GLG1: variants seen among roughly 807,000 people sequenced by gnomAD.
The protein encoded by GLG1 is golgi glycoprotein 1.
Under a neutral mutation model 160.5 loss-of-function variants are expected in GLG1, and 38 were observed. That is an observed-to-expected ratio of 0.24 (90% CI 0.18 to 0.31). The LOEUF (loss-of-function observed/expected upper bound fraction) is 0.31. GLG1 is among the 10% of genes least tolerant of loss of function. The pLI is 1.00. For missense variants in GLG1, 1,373 were observed against 1,505.2 expected (o/e 0.91, Z 1.45); for synonymous variants, 644 against 543.4 (o/e 1.19, Z -2.57).
chr16:74,457,295 G>A (rs190210459), intron 24 of GLG1, among the ~76,000 whole-genome samples: 4 of 152,290 alleles, frequency 2.6e-5, no homozygotes, highest in Admixed American at 2.0e-4. Flanking sequence ...TACTCAGGAG[G>A]TTAAGGTGGG....
intron 19 of GLG1, among the ~76,000 whole-genome samples, chr16:74,464,844 T>A (rs184441169): frequency 0.19 from 27,824 of 143,510 alleles, 2,691 homozygotes; most frequent in Middle Eastern, 0.25. Flanking sequence ...TTAAAAAAAA[T>A]TTTTTTTTTC....
intron 1 of GLG1, among the ~76,000 whole-genome samples, chr16:74,572,528 A>AC (rs2018860773): frequency 9.1e-6 from 1 of 110,316 alleles, no homozygotes; most frequent in East Asian, 2.1e-4. Flanking sequence ...AAAAACAAAC[A>AC]AAAAAAAAAA....
At chr16:74,526,350 C>T (rs1422253344) in intron 2 of GLG1, among the ~76,000 whole-genome samples, 1 of 145,902 alleles carries the variant, frequency 6.9e-6, no homozygotes, top group Non-Finnish European at 1.5e-5. Context: ...TAATTCTTTT[C>T]CTTAGAACTT....
chr16:74,465,593 G>C (rs1248902634), intron 19 of GLG1, 83 bp downstream of exon 19: 19 of 1,400,148 alleles, frequency 1.4e-5, no homozygotes, highest in East Asian at 2.3e-5. Flanking sequence ...TGAGAAAGCT[G>C]AGCCTGAGGA....
chr16:74,514,035 A>T (rs2016898774), intron 2 of GLG1, among the ~76,000 whole-genome samples: 1 of 152,192 alleles, frequency 6.6e-6, no homozygotes, highest in African/African-American at 2.4e-5. Flanking sequence ...GGAAGAAATG[A>T]TCAGTGATTG....
In GLG1 at chr16:74,597,430, C is replaced by CAA. The variant is rs1180246941; in HGVS notation, c.438+9225_438+9226dup. On this transcript the variant is annotated intron_variant, in intron 1 of 25. Transcript: ENST00000422840. ...TGGATGACAGAGTGAGACTCCATCT[C>CAA]AAAAAAAAAAAAAAAGAAAGAAAAA... Among the ~76,000 whole-genome samples, 10 of 62,234 alleles carry CAA rather than the reference C, an allele frequency of 1.6e-4. 1 individual carries two copies. Among genetic ancestry groups the CAA allele is most frequent in the Non-Finnish European group, 9.6e-5 (3 of 31,142 alleles). 40.8% of individuals were successfully genotyped at this position (62,234 alleles called of 152,430 possible).
intron 2 of GLG1, among the ~76,000 whole-genome samples, chr16:74,515,906 C>T (rs2016962861): frequency 1.6e-5 from 1 of 62,310 alleles, no homozygotes; most frequent in Non-Finnish European, 3.1e-5. Context: ...ATCCTAGTCT[C>T]TGATAAAACA....
intron 22 of GLG1, among the ~76,000 whole-genome samples, chr16:74,460,065 A>G (rs1306296222): frequency 6.8e-6 from 1 of 147,674 alleles, no homozygotes; most frequent in Non-Finnish European, 1.5e-5. Flanking sequence ...CTTGTTGCCC[A>G]GGCTGAAGTA....
intron 6 of GLG1, among the ~76,000 whole-genome samples, chr16:74,494,011 C>T (rs1418060230): frequency 6.6e-6 from 1 of 151,896 alleles, no homozygotes; most frequent in Non-Finnish European, 1.5e-5. Flanking sequence ...CCCGTCTCTA[C>T]TAAAAATACA....
chr16:74,592,564 G>A (rs1006254811), intron 1 of GLG1, among the ~76,000 whole-genome samples: 13 of 152,030 alleles, frequency 8.6e-5, no homozygotes, highest in African/African-American at 2.9e-4. Flanking sequence ...GCATTATCTC[G>A]AATGATCTCA....
chr16:74,606,529 G>C (rs1399093317), intron 1 of GLG1, 128 bp downstream of exon 1: 5 of 732,934 alleles, frequency 6.8e-6, no homozygotes, highest in African/African-American at 1.8e-5. Flanking sequence ...GGAGCAAAGA[G>C]GGAAGGAGCG....
chr16:74,523,768 T>C (rs372640917), intron 2 of GLG1, among the ~76,000 whole-genome samples: 1 of 152,120 alleles, frequency 6.6e-6, no homozygotes, highest in East Asian at 1.9e-4. Context: ...AATTAAATTT[T>C]ACATACTGAC....
In GLG1 at chr16:74,477,558, T is replaced by C. The variant is rs773048390; in HGVS notation, c.1828-25A>G. On this transcript the variant is annotated intron_variant, in intron 11 of 25. Coordinates refer to ENST00000422840, the MANE Select transcript of GLG1 (RefSeq NM_001145667.2). ...GCTGCATGAGAAAAAATGAGCTAAA[T>C]ACTTGAAAGGTAACAAAACAAAAAC... 3 of 1,597,864 alleles carry C rather than the reference T, an allele frequency of 1.9e-6. No individual in the cohort carries two copies. The African/African-American group carries it at 4.0e-5, about 21-fold the overall frequency.
rs2016928114 is a variant in GLG1, at chr16:74,514,845, C to G, written c.472-5920G>C. ...GCCCCAGTTAAAAGACACAAACTGGCAAACTGCATAGAGTCAAGACCCATC... is the reference window on the plus strand; with the variant it reads ...GCCCCAGTTAAAAGACACAAACTGGGAAACTGCATAGAGTCAAGACCCATC... On this transcript the variant is annotated intron_variant, in intron 2 of 25. Transcript: ENST00000422840. 2.0e-5 allele frequency among the ~76,000 whole-genome samples: 3 copies of G among 152,020 alleles called. No individual in the cohort carries two copies. The South Asian group carries it at 6.2e-4, about 32-fold the overall frequency.
intron 1 of GLG1, among the ~76,000 whole-genome samples, chr16:74,580,920 A>G (rs1242415655): frequency 1.3e-5 from 2 of 152,164 alleles, no homozygotes; most frequent in African/African-American, 2.4e-5. Flanking sequence ...AAAATACAAA[A>G]AATTAGTGCA....
intron 1 of GLG1, among the ~76,000 whole-genome samples, chr16:74,586,861 A>C (rs2143843336): frequency 6.6e-6 from 1 of 152,010 alleles, no homozygotes; most frequent in Non-Finnish European, 1.5e-5. Context: ...ACACCCTGCT[A>C]ATTTTTGTAT....
rs201693911 is a variant in GLG1 at position 74,529,809 on chromosome 16, G to GTTTTTTTTTTTTTTTTTTTTTTTT, written c.471+2311_471+2312insAAAAAAAAAAAAAAAAAAAAAAAA. ...CTTCCTATTCCTTGGCTCTTTGAGA[G>GTTTTTTTTTTTTTTTTTTTTTTTT]TTCTTTTTTTTTTTTTTTTTTTTTT... is the stretch of plus-strand genomic sequence containing the variant. On this transcript the variant is annotated intron_variant, in intron 2 of 25. Transcript: ENST00000422840. Among the ~76,000 whole-genome samples the GTTTTTTTTTTTTTTTTTTTTTTTT allele has an allele frequency of 5.8e-5, 6 of 104,104 alleles. 2 individuals carry two copies. The highest frequency in any genetic ancestry group is 7.2e-5 in the Non-Finnish European group (4 of 55,544). 68.3% of individuals were successfully genotyped at this position (104,104 alleles called of 152,430 possible).
intron 1 of GLG1, among the ~76,000 whole-genome samples, chr16:74,534,749 C>A (rs528651891): frequency 1.3e-5 from 2 of 152,060 alleles, no homozygotes; most frequent in Non-Finnish European, 1.5e-5. Flanking sequence ...GAGTATACAC[C>A]CGGCTCCGCT....
At chr16:74,597,540 G>A (rs542128539) in intron 1 of GLG1, among the ~76,000 whole-genome samples, 118 of 150,924 alleles carry the variant, frequency 7.8e-4, no homozygotes, top group African/African-American at 1.9e-3. Flanking sequence ...CCAACATGGC[G>A]AAATCCTGCC....
Sources: allele counts gnomAD v4.1 joint callset (sites outside exome capture counted in the v4.1 genomes callset), GRCh38; gene constraint gnomAD v4.1.1; transcripts MANE v1.5; gene names NCBI Gene and HGNC (gene_info 2026-07-23, HGNC 2026-07-21).